The following IFT52 variants were observed in gnomAD, a reference collection of about 807,000 sequenced individuals.
IFT52 encodes intraflagellar transport 52.
In IFT52, 44 loss-of-function variants were observed where a neutral mutation model predicts 54.4. The observed-to-expected ratio is 0.81, with a 90% CI of 0.63 to 1.04. The LOEUF (loss-of-function observed/expected upper bound fraction) is 1.04, where lower values mean the gene tolerates loss of function less well. IFT52 is among the 50% of genes least tolerant of loss of function. The pLI is 0.00. For missense variants in IFT52, 452 were observed against 523.6 expected, an observed-to-expected ratio of 0.86 and a Z score of 1.33; for synonymous variants, 181 against 185.3, an observed-to-expected ratio of 0.98 and a Z score of 0.19.
chr20:43,608,476 T>C (rs930694388), intron 6 of IFT52, among the ~76,000 whole-genome samples: 17 of 152,226 alleles, frequency 1.1e-4, no homozygotes, highest in Non-Finnish European at 2.1e-4. Flanking sequence ...TTCATGTTCA[T>C]TGCTTTTTGG....
At position 43,613,963 on chromosome 20, in the gene IFT52, T is replaced by G; in HGVS notation, c.599T>G (p.Phe200Cys). The G allele has an allele frequency of 6.2e-7, 1 of 1,613,842 alleles. No homozygotes were observed. The highest frequency in any genetic ancestry group is 8.5e-7 in the Non-Finnish European group (1 of 1,179,766). The change falls in exon 7 of 14, where the codon TTC becomes TGC. Residue 200 changes from phenylalanine (F) to cysteine (C), a missense_variant. Phe to Cys is a radical substitution (Grantham distance 205). Coordinates refer to ENST00000373030, the MANE Select transcript of IFT52 (RefSeq NM_016004.5). ...CFPLNRPILA[F>C]YHSKNQGGKL... ...CCACTTAACAGACCCATTTTGGCTT[T>G]CTATCACTCAAAGGTACAGCTTTTC... is the stretch of plus-strand genomic sequence containing the variant.
At position 43,608,161 on chromosome 20, in the gene IFT52, GGGGAGAGGGAGA is replaced by G. The variant is rs368886324; in HGVS notation, c.485+3106_485+3117del. On this transcript the variant is annotated intron_variant, in intron 6 of 13. Transcript: ENST00000373030. ...GGAAAGAGAGGGAGAGGGAGACCGT[GGGGAGAGGGAGA>G]GGGAGAGGGAGAGGGAGTGGGAGTA... Among the ~76,000 whole-genome samples, 23 of 151,930 alleles carry G rather than the reference GGGGAGAGGGAGA, an allele frequency of 1.5e-4. No individual in the cohort carries two copies. The East Asian group carries it at 2.9e-3, about 19-fold the overall frequency.
At chr20:43,613,748 C>A in intron 6 of IFT52, 102 bp from the exon 7 acceptor site, 1 of 1,158,626 alleles carries the variant, frequency 8.6e-7, no homozygotes, top group South Asian at 1.3e-5. Flanking sequence ...CTGAGTGAGA[C>A]TGTTTCAAAA....
At chr20:43,616,501 A>G (rs1983865860) in intron 7 of IFT52, among the ~76,000 whole-genome samples, 1 of 143,502 alleles carries the variant, frequency 7.0e-6, no homozygotes, top group Non-Finnish European at 1.5e-5. Flanking sequence ...GGAGCAAGAC[A>G]CTGTCTCCAA....
At chr20:43,640,504 G>T (rs997774809) in intron 12 of IFT52, among the ~76,000 whole-genome samples, 3 of 152,056 alleles carry the variant, frequency 2.0e-5, no homozygotes, top group Admixed American at 6.6e-5. Context: ...CATAAACTTT[G>T]ATTCGGAATG....
At chr20:43,621,467 GTATT>G (rs1307300625) in intron 9 of IFT52, among the ~76,000 whole-genome samples, 3 of 151,914 alleles carry the variant, frequency 2.0e-5, no homozygotes, top group African/African-American at 7.2e-5. Context: ...ATTTTTTATT[GTATT>G]TATTTTTTGA....
chr20:43,593,743 T>G (rs1246129585), intron 1 of IFT52, among the ~76,000 whole-genome samples: 1 of 151,990 alleles, frequency 6.6e-6, no homozygotes, highest in African/African-American at 2.4e-5. Context: ...CTAATTTTTT[T>G]TGTAGAGATG....
chr20:43,607,488 G>C lies in IFT52; in HGVS notation c.485+2415G>C, dbSNP rs543618724. ...GGGCAGAGACACTCCTCACCTCCCA[G>C]ACGGGGTCGTGGCCGGGCAGAGGCG... On this transcript the variant is annotated intron_variant, in intron 6 of 13. Transcript: ENST00000373030. 7.9e-5 allele frequency among the ~76,000 whole-genome samples: 12 copies of C among 151,354 alleles called. No individual in the cohort carries two copies. In the South Asian group the frequency reaches 2.3e-3, roughly 29 times the overall value.
chr20:43,623,800 ATG>A, intron 9 of IFT52, 89 bp from the exon 10 acceptor site: 4 of 1,366,126 alleles, frequency 2.9e-6, no homozygotes, highest in Non-Finnish European at 4.0e-6. Context: ...GAGAATATAA[ATG>A]TTGCAGATTT....
At chr20:43,608,198 A>ATT (rs1983130957) in intron 6 of IFT52, among the ~76,000 whole-genome samples, 1 of 151,992 alleles carries the variant, frequency 6.6e-6, no homozygotes, top group African/African-American at 2.4e-5. Context: ...GAGTGGGAGT[A>ATT]TTTTTTAGGG....
chr20:43,630,006 T>G (rs1354518626), intron 10 of IFT52, among the ~76,000 whole-genome samples: 2 of 152,146 alleles, frequency 1.3e-5, no homozygotes, highest in African/African-American at 4.8e-5. Flanking sequence ...TGTGTTACTG[T>G]AGGAGGTGAG....
chr20:43,642,708 C>A, intron 13 of IFT52, 84 bp downstream of exon 13: 1 of 1,343,524 alleles, frequency 7.4e-7, no homozygotes, highest in Non-Finnish European at 1.0e-6. Context: ...TGTTTTATGA[C>A]GTTGATTCAG....
chr20:43,604,255 A>G lies in IFT52; in HGVS notation c.410A>G (p.Asn137Ser). 6.2e-7 allele frequency: 1 copy of G among 1,604,712 alleles called. No individual in the cohort carries two copies. Among genetic ancestry groups the G allele is most frequent in the Non-Finnish European group, 8.5e-7 (1 of 1,171,546 alleles). ...GCTCTAGTTTCCAGTGGAGTCTTGA[A>G]CAGGTAAGCATGTTGAAAGCAGAAA... is the stretch of plus-strand genomic sequence containing the variant. ...KEALVSSGVLNREISRAAGKA... is the reference protein window; with the variant it reads ...KEALVSSGVLSREISRAAGKA... Residue 137 changes from asparagine to serine, a missense_variant, in exon 5 of 14, where the codon AAC (asparagine) becomes AGC (serine). Physicochemically the swap from Asn to Ser is conservative, Grantham distance 46 (BLOSUM62 1). Transcript: ENST00000373030.
chr20:43,612,654 T>C (rs1015353900), intron 6 of IFT52, among the ~76,000 whole-genome samples: 2 of 152,018 alleles, frequency 1.3e-5, no homozygotes, highest in Non-Finnish European at 2.9e-5. Context: ...TTCATACCAC[T>C]GCACTCCAGC....
intron 5 of IFT52, among the ~76,000 whole-genome samples, chr20:43,604,559 G>A (rs1213961334): frequency 6.6e-6 from 1 of 151,986 alleles, no homozygotes; most frequent in Non-Finnish European, 1.5e-5. Flanking sequence ...CTGGCTGACA[G>A]AGCGAGACTT....
chr20:43,596,861 G>C (rs1360831792), intron 3 of IFT52, among the ~76,000 whole-genome samples: 1 of 147,920 alleles, frequency 6.8e-6, no homozygotes, highest in Non-Finnish European at 1.5e-5. Flanking sequence ...CACTGCCTCA[G>C]CCTCCTGAGT....
chr20:43,616,056 G>C (rs1983835220), intron 7 of IFT52, among the ~76,000 whole-genome samples: 1 of 152,146 alleles, frequency 6.6e-6, no homozygotes, highest in South Asian at 2.1e-4. Context: ...TATGTAATGT[G>C]TGTATTTATG....
chr20:43,600,054 T>C (rs929440835), intron 3 of IFT52, among the ~76,000 whole-genome samples: 27 of 152,206 alleles, frequency 1.8e-4, no homozygotes, highest in African/African-American at 6.5e-4. Context: ...ATTGTAAATG[T>C]TTATGCATAT....
intron 6 of IFT52, among the ~76,000 whole-genome samples, chr20:43,610,934 G>A (rs1983395359): frequency 6.6e-6 from 1 of 152,116 alleles, no homozygotes; most frequent in Admixed American, 6.6e-5. Flanking sequence ...CTGTGTAGTG[G>A]GGATAATGTT....
Sources: allele counts gnomAD v4.1 joint callset (sites outside exome capture counted in the v4.1 genomes callset), GRCh38; gene constraint gnomAD v4.1.1; transcripts MANE v1.5; gene names NCBI Gene and HGNC (gene_info 2026-07-23, HGNC 2026-07-21).